Variants in EGFR observed in about 807,000 individuals in gnomAD.
EGFR encodes the protein avian erythroblastic leukemia viral (v-erb-b) oncogene homolog.
Under a neutral mutation model 143.0 loss-of-function variants are expected in EGFR, and 58 were observed. The ratio of observed to expected loss-of-function variants is 0.41; its 90% CI spans 0.33 to 0.50. The LOEUF is 0.50. EGFR is among the 20% of genes least tolerant of loss of function. The pLI, the probability that EGFR is intolerant of heterozygous loss-of-function variation, is 0.39. For synonymous variants in EGFR, 613 were observed against 594.4 expected (o/e 1.03, Z -0.45); for missense variants, 1,307 against 1,579.0 (o/e 0.83, Z 2.92).
intron 10 of EGFR, 24 bp downstream of exon 10, chr7:55,156,856 A>G (rs1306158880): frequency 8.1e-6 from 13 of 1,614,236 alleles, no homozygotes; most frequent in Non-Finnish European, 1.1e-5. Context: ...TATCACATGA[A>G]TATAAATGGG....
intron 1 of EGFR, among the ~76,000 whole-genome samples, chr7:55,059,619 T>G (rs1437534764): frequency 1.3e-5 from 2 of 152,162 alleles, no homozygotes; most frequent in East Asian, 1.9e-4. Context: ...CTTCCCCACC[T>G]GCTCACTCCT....
chr7:55,083,304 G>T (rs770821684), intron 1 of EGFR, among the ~76,000 whole-genome samples: 21 of 152,234 alleles, frequency 1.4e-4, no homozygotes, highest in Non-Finnish European at 2.8e-4. Flanking sequence ...ATGATCTCCA[G>T]AATGTATTTC....
At chr7:55,020,485 C>T (rs1187212361) in intron 1 of EGFR, among the ~76,000 whole-genome samples, 1 of 152,074 alleles carries the variant, frequency 6.6e-6, no homozygotes, top group African/African-American at 2.4e-5. Flanking sequence ...CCTCAAAACC[C>T]GGAGACTTTC....
intron 11 of EGFR, among the ~76,000 whole-genome samples, chr7:55,159,787 T>G (rs1219606930): frequency 6.6e-6 from 1 of 152,238 alleles, no homozygotes; most frequent in Admixed American, 6.5e-5. Context: ...GATAGATGGA[T>G]GAACCCACAC....
chr7:55,113,790 G>C lies in EGFR; in HGVS notation c.89-28496G>C, dbSNP rs1792662352. On this transcript the variant is annotated intron_variant, in intron 1 of 27. Transcript: ENST00000275493. ...TTGATAAGAAGCAGGGCTGTGTTTG[G>C]GCTCTGGGAGTTTTTGATATGGTTT... Among the ~76,000 whole-genome samples, 3 of 152,176 alleles carry C rather than the reference G, an allele frequency of 2.0e-5. No homozygotes were observed. In the South Asian group the frequency reaches 6.2e-4, roughly 32 times the overall value.
intron 22 of EGFR, among the ~76,000 whole-genome samples, chr7:55,195,930 A>C (rs1427646823): frequency 6.6e-6 from 1 of 152,120 alleles, no homozygotes; most frequent in Admixed American, 6.5e-5. Context: ...ATTGATGGGC[A>C]TTTAGGTTGA....
At chr7:55,087,448 G>A (rs55891968) in intron 1 of EGFR, among the ~76,000 whole-genome samples, 1 of 152,164 alleles carries the variant, frequency 6.6e-6, no homozygotes, top group South Asian at 2.1e-4. Flanking sequence ...GCAGGTCTCA[G>A]AAACATTCTA....
At chr7:55,047,176 G>A (rs147701485) in intron 1 of EGFR, among the ~76,000 whole-genome samples, 37 of 152,270 alleles carry the variant, frequency 2.4e-4, no homozygotes, top group Middle Eastern at 6.8e-3. Context: ...CCAGCTCTGA[G>A]CCTCATGGCT....
chr7:55,181,642 G>T, intron 20 of EGFR, 164 bp downstream of exon 20: 1 of 841,248 alleles, frequency 1.2e-6, no homozygotes, highest in Non-Finnish European at 1.9e-6. Context: ...TGATCTTCTT[G>T]TGCACAAATC....
chr7:55,025,566 G>A (rs1786833917), intron 1 of EGFR, among the ~76,000 whole-genome samples: 1 of 152,180 alleles, frequency 6.6e-6, no homozygotes, highest in Admixed American at 6.5e-5. Context: ...GTGCTCAGAT[G>A]GAGAAGTCCA....
intron 1 of EGFR, among the ~76,000 whole-genome samples, chr7:55,044,418 A>G (rs529848774): frequency 1.4e-4 from 22 of 152,346 alleles, no homozygotes; most frequent in African/African-American, 4.6e-4. Context: ...TTAGATTACT[A>G]TACCTAACAA....
Position 55,118,712 on chromosome 7 carries a change from A to G in EGFR, c.89-23574A>G, listed in dbSNP as rs1023910393. ...GGGTGACAGCTCCAGGGGCCGACAAAGGAGCTGTGATCTCACAGATCCACA... is the reference window on the plus strand; with the variant it reads ...GGGTGACAGCTCCAGGGGCCGACAAGGGAGCTGTGATCTCACAGATCCACA... On this transcript the variant is annotated intron_variant, in intron 1 of 27. Coordinates refer to ENST00000275493, the MANE Select transcript of EGFR (RefSeq NM_005228.5). Among the ~76,000 whole-genome samples the G allele has an allele frequency of 1.6e-4, 24 of 152,218 alleles. No individual in the cohort carries two copies. In the East Asian group the frequency reaches 4.6e-3, roughly 29 times the overall value.
intron 19 of EGFR, 32 bp downstream of exon 19, chr7:55,174,852 T>C: frequency 6.3e-7 from 1 of 1,581,204 alleles, no homozygotes; most frequent in Non-Finnish European, 8.7e-7. Flanking sequence ...TGGGGGTCCA[T>C]GGCTCTGAAC....
In EGFR at chr7:55,099,754, G is replaced by A. The variant is rs547918785; in HGVS notation, c.89-42532G>A. 2.1e-4 allele frequency among the ~76,000 whole-genome samples: 32 copies of A among 152,080 alleles called. No homozygotes were observed. The South Asian group carries it at 5.2e-3, about 25-fold the overall frequency. ...CACCCCCTTCTAGGATCTGATTCCT[G>A]AGGAATCACAATGTGGATTTCACAA... is the stretch of plus-strand genomic sequence containing the variant. On this transcript the variant is annotated intron_variant, in intron 1 of 27. Transcript: ENST00000275493.
At chr7:55,176,825 T>A (rs1256294891) in intron 19 of EGFR, among the ~76,000 whole-genome samples, 1 of 66,512 alleles carries the variant, frequency 1.5e-5, no homozygotes, top group African/African-American at 4.7e-5. Context: ...ATGATATATA[T>A]TTAGAGAGAT....
At chr7:55,107,351 T>C (rs1265576445) in intron 1 of EGFR, among the ~76,000 whole-genome samples, 3 of 152,182 alleles carry the variant, frequency 2.0e-5, no homozygotes, top group East Asian at 3.8e-4. Context: ...AAAATGCCCA[T>C]TGGGTTTTGT....
intron 19 of EGFR, among the ~76,000 whole-genome samples, chr7:55,175,584 A>G (rs1786559100): frequency 6.6e-6 from 1 of 152,188 alleles, no homozygotes; most frequent in Admixed American, 6.5e-5. Flanking sequence ...TCTTGTCCCA[A>G]CACAGAGCAA....
At chr7:55,200,908 A>T (rs930511658) in intron 24 of EGFR, 4 of 544,410 alleles carry the variant, frequency 7.3e-6, no homozygotes, top group Non-Finnish European at 1.3e-5. Flanking sequence ...TGCACACTCG[A>T]TGAATGCTGC....
At chr7:55,146,541 T>G (rs2128929272) in intron 3 of EGFR, 65 bp from the exon 4 acceptor site, 1 of 1,609,648 alleles carries the variant, frequency 6.2e-7, no homozygotes. Context: ...GAAGAGCACA[T>G]GCATCCTTCA....
Sources: allele counts gnomAD v4.1 joint callset (sites outside exome capture counted in the v4.1 genomes callset), GRCh38; gene constraint gnomAD v4.1.1; transcripts MANE v1.5; gene names NCBI Gene and HGNC (gene_info 2026-07-23, HGNC 2026-07-21).